ABCA4: variants seen among roughly 807,000 people sequenced by gnomAD.
The protein encoded by ABCA4 is retinal-specific phospholipid-transporting ATPase ABCA4.
In ABCA4, 196 loss-of-function variants were observed where a neutral mutation model predicts 263.7. That is an observed-to-expected ratio of 0.74 (90% CI 0.66 to 0.84). The LOEUF is 0.84. Ranked by LOEUF, ABCA4 falls within the 40% of genes least tolerant of loss-of-function variation. The pLI, the probability that ABCA4 is intolerant of heterozygous loss-of-function variation, is 0.00. For missense variants in ABCA4, 2,792 were observed against 2,855.1 expected, an observed-to-expected ratio of 0.98 and a Z score of 0.50; for synonymous variants, 1,133 against 1,094.2, an observed-to-expected ratio of 1.04 and a Z score of -0.70.
chr1:94,037,638 G>A (rs1195873152), intron 24 of ABCA4, among the ~76,000 whole-genome samples: 2 of 152,122 alleles, frequency 1.3e-5, no homozygotes, highest in East Asian at 1.9e-4. Context: ...ACTTTCCTGT[G>A]CCAGTTCCTC....
At chr1:94,043,311 C>T (rs749509615) in intron 21 of ABCA4, 25 bp downstream of exon 21, 2 of 1,613,722 alleles carry the variant, frequency 1.2e-6, no homozygotes, top group African/African-American at 2.7e-5. Context: ...CATCTGTGGC[C>T]CTGTCTCCAT....
intron 11 of ABCA4, among the ~76,000 whole-genome samples, chr1:94,075,804 T>C (rs1339190151): frequency 6.6e-6 from 1 of 152,124 alleles, no homozygotes; most frequent in African/African-American, 2.4e-5. Flanking sequence ...AGTATGAGGT[T>C]GAGAATTTGA....
chr1:94,120,726 C>T (rs1352667351), intron 1 of ABCA4, among the ~76,000 whole-genome samples: 1 of 152,032 alleles, frequency 6.6e-6, no homozygotes, highest in Non-Finnish European at 1.5e-5. Context: ...AATGGATTGA[C>T]AGGCACGGTA....
At chr1:94,056,563 A>G in intron 15 of ABCA4, 38 bp downstream of exon 15, 4 of 1,596,946 alleles carry the variant, frequency 2.5e-6, no homozygotes, top group Non-Finnish European at 3.4e-6. Flanking sequence ...CTTCCAAGGA[A>G]ACGTGTTGTA....
At chr1:94,083,498 C>G (rs1661757296) in intron 6 of ABCA4, 57 bp from the exon 7 acceptor site, 2 of 1,308,662 alleles carry the variant, frequency 1.5e-6, no homozygotes, top group South Asian at 2.4e-5. Context: ...GGTATATACA[C>G]ACATAGGCAC....
intron 6 of ABCA4, among the ~76,000 whole-genome samples, chr1:94,085,244 A>G (rs905294408): frequency 6.6e-6 from 1 of 152,212 alleles, no homozygotes; most frequent in East Asian, 1.9e-4. Context: ...ACTTCAGGAA[A>G]AAAAGGTGGA....
At chr1:94,012,845 C>T (rs975759894) in intron 38 of ABCA4, among the ~76,000 whole-genome samples, 16 of 150,128 alleles carry the variant, frequency 1.1e-4, no homozygotes, top group South Asian at 2.1e-4. Flanking sequence ...GAGTGGGCCA[C>T]GCTTGTTTAT....
chr1:94,025,849 G>A (rs1045361127), intron 30 of ABCA4, among the ~76,000 whole-genome samples: 1 of 152,158 alleles, frequency 6.6e-6, no homozygotes, highest in Non-Finnish European at 1.5e-5. Flanking sequence ...TGAGAGCAGG[G>A]ACTTTGCCTG....
At chr1:94,076,582 G>T (rs376339483) in intron 11 of ABCA4, among the ~76,000 whole-genome samples, 1 of 152,228 alleles carries the variant, frequency 6.6e-6, no homozygotes, top group Non-Finnish European at 1.5e-5. Flanking sequence ...GCCTGTAGGC[G>T]TGAAAGGGCC....
At chr1:94,012,345 A>G (rs1430285244) in intron 38 of ABCA4, among the ~76,000 whole-genome samples, 1 of 152,142 alleles carries the variant, frequency 6.6e-6, no homozygotes, top group Non-Finnish European at 1.5e-5. Flanking sequence ...TTTCTTAAAG[A>G]TTCCTGTTCT....
intron 48 of ABCA4, among the ~76,000 whole-genome samples, chr1:93,997,627 C>T (rs1659044689): frequency 6.6e-6 from 1 of 151,992 alleles, no homozygotes. Flanking sequence ...AATAACACAC[C>T]ATAGCATCAC....
intron 32 of ABCA4, 44 bp downstream of exon 32, chr1:94,023,342 T>A (rs753920644): frequency 2.1e-5 from 32 of 1,504,578 alleles, no homozygotes; most frequent in Non-Finnish European, 2.9e-5. Flanking sequence ...ATTTCAACAA[T>A]GAATCAATCT....
At chr1:94,101,783 C>G (rs968150585) in intron 5 of ABCA4, among the ~76,000 whole-genome samples, 26 of 152,206 alleles carry the variant, frequency 1.7e-4, no homozygotes, top group Admixed American at 4.6e-4. Context: ...AGAAGCTGGG[C>G]GGGGAGCCCA....
intron 49 of ABCA4, among the ~76,000 whole-genome samples, chr1:93,994,775 T>C (rs1295355353): frequency 2.0e-5 from 3 of 152,140 alleles, no homozygotes; most frequent in Admixed American, 2.0e-4. Flanking sequence ...AATGATCTCA[T>C]CCAATAAGGG....
rs774417241 is a variant in ABCA4 at position 94,033,064 on chromosome 1, T to TA, written c.3863-1022dup. On this transcript the variant is annotated intron_variant, in intron 26 of 49. Transcript: ENST00000370225. The stretch of plus-strand genomic sequence containing the variant: ...GGACTGAGGTTTGAATATGGATTCT[T>TA]ACAAGATACATAAATTTGGGGAAGT... Among the ~76,000 whole-genome samples the TA allele has an allele frequency of 2.3e-4, 35 of 152,312 alleles. 1 individual carries two copies. Among genetic ancestry groups the TA allele is most frequent in the Admixed American group, 7.2e-4 (11 of 15,294 alleles).
chr1:94,051,768 A>G (rs1570382807), intron 16 of ABCA4, 70 bp from the exon 17 acceptor site: 1 of 1,187,572 alleles, frequency 8.4e-7, no homozygotes, highest in Non-Finnish European at 1.3e-6. Flanking sequence ...GCAGTTCTAT[A>G]AGATCTAGAG....
At chr1:94,035,442 G>C (rs1339817167) in intron 26 of ABCA4, among the ~76,000 whole-genome samples, 1 of 152,166 alleles carries the variant, frequency 6.6e-6, no homozygotes, top group African/African-American at 2.4e-5. Flanking sequence ...GTCACCATGC[G>C]ATGTACTGGG....
Position 94,041,542 on chromosome 1 carries a change from A to G in ABCA4, c.3329-140T>C, listed in dbSNP as rs116224841. The G allele has an allele frequency of 3.9e-4, 333 of 852,136 alleles. 2 individuals carry two copies. The African/African-American group carries it at 5.1e-3, about 13-fold the overall frequency. The allele number at this position is 852,136 out of a possible 1,614,324, so 52.8% of individuals were successfully genotyped here. ...AAAAAAAACCCAAGGGAACTAATTC[A>G]GCAGCAAATTCCAGCATATTAGGAC... On this transcript the variant is annotated intron_variant, in intron 22 of 49. Coordinates refer to ENST00000370225, the MANE Select transcript of ABCA4 (RefSeq NM_000350.3).
Position 94,015,827 on chromosome 1 carries a change from C to T in ABCA4, c.5224G>A (p.Val1742Met), listed in dbSNP as rs1468259749. Reference sequence around the variant, plus strand: ...TGAAACCCGATGAAGATGCCCACCACCAGCCCAGCACTCACGGAATAATTC... The same window carrying T: ...TGAAACCCGATGAAGATGCCCACCATCAGCCCAGCACTCACGGAATAATTC... ...IMNYSVSAGL[V>M]VGIFIGFQKK... The change falls in exon 37 of 50, where the codon GTG becomes ATG. Residue 1742 changes from valine (V) to methionine (M), a missense_variant. Transcript: ENST00000370225. 1 of 1,613,798 alleles carries T rather than the reference C, an allele frequency of 6.2e-7. No individual in the cohort carries two copies. The highest frequency in any genetic ancestry group is 8.5e-7 in the Non-Finnish European group (1 of 1,179,930).
Sources: gnomAD v4.1 joint callset for allele counts (sites outside exome capture counted in the v4.1 genomes callset) on GRCh38, gnomAD v4.1.1 for gene constraint, MANE v1.5 for transcripts, NCBI Gene and HGNC (gene_info 2026-07-23, HGNC 2026-07-21) for gene names.